Variants in CCDC50 observed in about 807,000 individuals in gnomAD.
CCDC50 encodes the protein coiled-coil domain containing 50, also known as coiled-coil domain-containing protein 50.
A neutral mutation model predicts 70.2 loss-of-function variants in CCDC50; 54 were observed. The observed-to-expected ratio is 0.77, with a 90% confidence interval of 0.62 to 0.96. The LOEUF (loss-of-function observed/expected upper bound fraction) is 0.96. Ranked by LOEUF, CCDC50 falls within the 50% of genes least tolerant of loss-of-function variation. CCDC50 has a pLI of 0.00. For synonymous variants in CCDC50, 216 were observed against 198.8 expected (o/e 1.09, Z -0.73); for missense variants, 558 against 578.7 (o/e 0.96, Z 0.37).
intron 4 of CCDC50, among the ~76,000 whole-genome samples, chr3:191,368,274 T>C (rs1004801853): frequency 2.0e-4 from 30 of 148,162 alleles, no homozygotes; most frequent in South Asian, 1.9e-3. Flanking sequence ...AGTATACTTA[T>C]GTTAAGTAGG....
intron 1 of CCDC50, among the ~76,000 whole-genome samples, chr3:191,351,359 A>T (rs1318770636): frequency 7.0e-6 from 1 of 141,990 alleles, no homozygotes; most frequent in Non-Finnish European, 1.6e-5. Flanking sequence ...AGACATTCAA[A>T]TCAATGTTGA....
At chr3:191,378,741 TTG>T (rs1303163393) in intron 6 of CCDC50, among the ~76,000 whole-genome samples, 9 of 151,502 alleles carry the variant, frequency 5.9e-5, no homozygotes, top group South Asian at 2.1e-4. Context: ...GTTTTTTTGT[TTG>T]TTTGTTTGTT....
chr3:191,382,893 C>A, intron 10 of CCDC50, 68 bp downstream of exon 10: 2 of 1,149,082 alleles, frequency 1.7e-6, no homozygotes, highest in South Asian at 2.5e-5. Flanking sequence ...TTTCAGTTCC[C>A]TAAGAAGAGT....
intron 6 of CCDC50, among the ~76,000 whole-genome samples, chr3:191,379,235 G>A (rs1040910241): frequency 3.3e-5 from 5 of 151,986 alleles, no homozygotes; most frequent in African/African-American, 1.2e-4. Flanking sequence ...AGAATCTGTG[G>A]GGGTTGGGGC....
chr3:191,392,295 A>T lies in CCDC50; in HGVS notation c.*535A>T, dbSNP rs941590563. The T allele has an allele frequency of 6.4e-6, 1 of 157,380 alleles. No individual in the cohort carries two copies. 9.7% of individuals were successfully genotyped at this position (157,380 alleles called of 1,614,324 possible). A position where few individuals can be genotyped will look rare whatever the true frequency, so the allele number is the denominator to read the frequency against. Reference sequence around the variant, plus strand: ...GGAGCAATTGAAATATGTTATTCTGACTAGATGGACTGTAGAGGTTTTGCA... The same window carrying T: ...GGAGCAATTGAAATATGTTATTCTGTCTAGATGGACTGTAGAGGTTTTGCA... On this transcript the variant is annotated 3_prime_UTR_variant, in exon 12 of 12. Transcript: ENST00000392455.
chr3:191,341,697 A>G (rs985478980), intron 1 of CCDC50, among the ~76,000 whole-genome samples: 8 of 152,206 alleles, frequency 5.3e-5, no homozygotes, highest in Non-Finnish European at 2.9e-5. Context: ...TGAAGTACCA[A>G]TAAGGTGAAT....
chr3:191,365,768 A>AGG (rs1712664446), intron 4 of CCDC50, among the ~76,000 whole-genome samples: 1 of 152,108 alleles, frequency 6.6e-6, no homozygotes, highest in Non-Finnish European at 1.5e-5. Context: ...TTGCCATTGG[A>AGG]GGATAGAGGT....
rs1204212859 is a variant in CCDC50, at chr3:191,357,983, A to G, written c.113-15A>G. On this transcript the variant is annotated splice_polypyrimidine_tract_variant and intron_variant, in intron 2 of 11. Transcript: ENST00000392455. ...AAGACATTATTCATTCCTGTCCTCA[A>G]TCTTTTTGTTCCAGTTGAGCATCAT... The G allele has an allele frequency of 1.2e-6, 2 of 1,613,850 alleles. No individual in the cohort carries two copies. The highest frequency in any genetic ancestry group is 8.5e-7 in the Non-Finnish European group (1 of 1,179,800).
At chr3:191,375,715 C>A in intron 6 of CCDC50, 126 bp downstream of exon 6, 2 of 987,648 alleles carry the variant, frequency 2.0e-6, no homozygotes, top group Non-Finnish European at 3.1e-6. Flanking sequence ...TGAAATAAAT[C>A]CTAGAGCAAC....
chr3:191,343,261 A>G (rs1711796991), intron 1 of CCDC50, among the ~76,000 whole-genome samples: 1 of 152,192 alleles, frequency 6.6e-6, no homozygotes, highest in Non-Finnish European at 1.5e-5. Context: ...GGGCGTAAAC[A>G]TAAGTGATGT....
chr3:191,329,891 C>A lies in CCDC50; in HGVS notation c.49+168C>A, dbSNP rs1717894347. On this transcript the variant is annotated intron_variant, in intron 1 of 11. Transcript: ENST00000392455. ...ATTGAATTCAGGTTCTAGTGTGGGA[C>A]GTTGGGCAAGTCTCCGACGTTCCAA... Among the ~76,000 whole-genome samples the A allele has an allele frequency of 2.3e-5, 3 of 129,662 alleles. No homozygotes were observed. The South Asian group carries it at 7.5e-4, about 32-fold the overall frequency. The allele number at this position is 129,662 out of a possible 152,430, so 85.1% of individuals were successfully genotyped here. A position where few individuals can be genotyped will look rare whatever the true frequency, so the allele number is the denominator to read the frequency against.
At chr3:191,341,804 C>T (rs755067466) in intron 1 of CCDC50, among the ~76,000 whole-genome samples, 1 of 152,222 alleles carries the variant, frequency 6.6e-6, no homozygotes, top group Non-Finnish European at 1.5e-5. Flanking sequence ...CTATGTGTAA[C>T]TCCCTGTTAC....
intron 1 of CCDC50, among the ~76,000 whole-genome samples, chr3:191,329,954 G>GC (rs1457908639): frequency 2.9e-5 from 4 of 138,236 alleles, no homozygotes; most frequent in Non-Finnish European, 4.7e-5. Flanking sequence ...GGGGGGGGGG[G>GC]GGCTAGCAGC....
chr3:191,390,649 G>A (rs1210009658), intron 11 of CCDC50, among the ~76,000 whole-genome samples: 1 of 152,132 alleles, frequency 6.6e-6, no homozygotes, highest in Non-Finnish European at 1.5e-5. Flanking sequence ...GCATGCTAAT[G>A]CATTATAGTT....
chr3:191,342,543 G>A (rs1711767987), intron 1 of CCDC50, among the ~76,000 whole-genome samples: 1 of 152,098 alleles, frequency 6.6e-6, no homozygotes, highest in Non-Finnish European at 1.5e-5. Context: ...TTCTTCCCCT[G>A]GTGTAAACTT....
rs1049950112 is a variant in CCDC50 at position 191,347,560 on chromosome 3, C to T, written c.50-9528C>T. Among the ~76,000 whole-genome samples the T allele has an allele frequency of 5.6e-5, 8 of 142,262 alleles. 2 individuals are homozygous for T. Among genetic ancestry groups the T allele is most frequent in the Non-Finnish European group, 6.3e-5 (4 of 63,122 alleles). The allele number at this position is 142,262 out of a possible 152,430, so 93.3% of individuals were successfully genotyped here. A position where few individuals can be genotyped will look rare whatever the true frequency, so the allele number is the denominator to read the frequency against. On this transcript the variant is annotated intron_variant, in intron 1 of 11. Transcript: ENST00000392455. ...TAACAGTGCCACTCATTTAACTATG[C>T]GATCTTGGGCATATTATTACAAATC...
chr3:191,342,737 A>G (rs1244003679), intron 1 of CCDC50, among the ~76,000 whole-genome samples: 1 of 152,250 alleles, frequency 6.6e-6, no homozygotes. Context: ...GTGAAACAAC[A>G]GAAGGTTGGA....
intron 5 of CCDC50, chr3:191,370,294 A>G (rs1398335985): frequency 8.1e-6 from 3 of 370,214 alleles, no homozygotes; most frequent in Non-Finnish European, 1.6e-5. Flanking sequence ...TACATGTGCC[A>G]TGTTGGTGTG....
chr3:191,384,617 A>G (rs1713427598), intron 10 of CCDC50, among the ~76,000 whole-genome samples: 1 of 152,140 alleles, frequency 6.6e-6, no homozygotes, highest in East Asian at 1.9e-4. Flanking sequence ...TCTGTTACAG[A>G]ATTTTCTACT....
Sources: gnomAD v4.1 joint callset for allele counts (sites outside exome capture counted in the v4.1 genomes callset) on GRCh38, gnomAD v4.1.1 for gene constraint, MANE v1.5 for transcripts, NCBI Gene and HGNC (gene_info 2026-07-23, HGNC 2026-07-21) for gene names.